COL21A1: variants seen among roughly 807,000 people sequenced by gnomAD.
COL21A1 encodes the protein collagen alpha-1(XXI) chain.
COL21A1 carries 149 observed loss-of-function variants against 137.9 expected under a neutral mutation model. The observed-to-expected ratio is 1.08, with a 90% CI of 0.95 to 1.24. COL21A1 has a LOEUF of 1.24. Ranked by LOEUF, COL21A1 falls within the 50% of genes most tolerant of loss-of-function variation. COL21A1 has a pLI of 0.00. For missense variants in COL21A1, 1,167 were observed against 1,158.4 expected (o/e 1.01, Z -0.11); for synonymous variants, 456 against 391.5 (o/e 1.16, Z -1.95).
chr6:56,122,872 C>T (rs1031776052), intron 16 of COL21A1, among the ~76,000 whole-genome samples: 7 of 152,116 alleles, frequency 4.6e-5, no homozygotes, highest in African/African-American at 1.2e-4. Flanking sequence ...ACTCTATTTT[C>T]GAAATAGAAA....
chr6:56,172,222 A>G lies in COL21A1; in HGVS notation c.641-1094T>C, dbSNP rs188336299. Among the ~76,000 whole-genome samples, 52 of 152,278 alleles carry G rather than the reference A, an allele frequency of 3.4e-4. No individual in the cohort carries two copies. The East Asian group carries it at 9.8e-3, about 29-fold the overall frequency. On this transcript the variant is annotated intron_variant, in intron 3 of 29. Coordinates refer to ENST00000244728, the MANE Select transcript of COL21A1 (RefSeq NM_030820.4). ...AACCCAAAGAAATCCACACTGAGAC[A>G]CATTGTAATCTAATCGTCAAAAGTT...
At chr6:56,063,820 A>T (rs187255730) in intron 24 of COL21A1, among the ~76,000 whole-genome samples, 4 of 151,918 alleles carry the variant, frequency 2.6e-5, no homozygotes, top group Admixed American at 1.3e-4. Flanking sequence ...TCTCCCACTC[A>T]CCCTCAGAGA....
At chr6:56,267,050 G>A (rs1433720012) in intron 1 of COL21A1, among the ~76,000 whole-genome samples, 1 of 152,184 alleles carries the variant, frequency 6.6e-6, no homozygotes, top group Non-Finnish European at 1.5e-5. Context: ...CCACAGAGAA[G>A]TCTAGATGAT....
At chr6:56,301,803 G>A (rs899481968) in intron 1 of COL21A1, among the ~76,000 whole-genome samples, 1 of 151,890 alleles carries the variant, frequency 6.6e-6, no homozygotes, top group Non-Finnish European at 1.5e-5. Flanking sequence ...CTGGTGTGCT[G>A]CACCCAGTAA....
intron 1 of COL21A1, among the ~76,000 whole-genome samples, chr6:56,291,734 T>C (rs926747228): frequency 2.6e-5 from 4 of 152,244 alleles, no homozygotes; most frequent in African/African-American, 9.6e-5. Flanking sequence ...TGTTAGAGGA[T>C]GTCACTCTAT....
chr6:56,299,654 A>G (rs1764236246), intron 1 of COL21A1, among the ~76,000 whole-genome samples: 1 of 152,040 alleles, frequency 6.6e-6, no homozygotes, highest in East Asian at 1.9e-4. Context: ...TTATGGCCTC[A>G]TATTTTCTGA....
intron 1 of COL21A1, among the ~76,000 whole-genome samples, chr6:56,213,697 T>C (rs1780320972): frequency 6.6e-6 from 1 of 152,096 alleles, no homozygotes; most frequent in Non-Finnish European, 1.5e-5. Flanking sequence ...ATTGTATACA[T>C]TTTTCGTGTG....
At chr6:56,328,137 T>C (rs925647718) in intron 1 of COL21A1, among the ~76,000 whole-genome samples, 6 of 152,098 alleles carry the variant, frequency 3.9e-5, no homozygotes, top group African/African-American at 1.4e-4. Context: ...TCCTTAATTA[T>C]GTGAGTCAAA....
chr6:56,084,241 A>G (rs2114167576), intron 17 of COL21A1, among the ~76,000 whole-genome samples: 1 of 151,536 alleles, frequency 6.6e-6, no homozygotes, highest in South Asian at 2.1e-4. Context: ...AAAAACATTA[A>G]TAAGAGAGAT....
At chr6:56,100,755 C>T (rs542604967) in intron 17 of COL21A1, among the ~76,000 whole-genome samples, 1 of 152,264 alleles carries the variant, frequency 6.6e-6, no homozygotes, top group East Asian at 1.9e-4. Flanking sequence ...TCCCTCTACC[C>T]TATTTAAGAA....
chr6:56,302,463 AT>A (rs1265089782), intron 1 of COL21A1, among the ~76,000 whole-genome samples: 1 of 151,650 alleles, frequency 6.6e-6, no homozygotes, highest in Non-Finnish European at 1.5e-5. Flanking sequence ...TTTGATTTGC[AT>A]TTCTCTGATG....
At chr6:56,370,769 T>C (rs1253171961) in intron 1 of COL21A1, among the ~76,000 whole-genome samples, 1 of 152,178 alleles carries the variant, frequency 6.6e-6, no homozygotes, top group Non-Finnish European at 1.5e-5. Flanking sequence ...TTGCTCATAA[T>C]TAAACTGAGT....
At chr6:56,170,023 A>C (rs1776907767) in intron 5 of COL21A1, among the ~76,000 whole-genome samples, 1 of 151,934 alleles carries the variant, frequency 6.6e-6, no homozygotes, top group Admixed American at 6.6e-5. Flanking sequence ...ATAATGAGCA[A>C]AACTTAATTA....
intron 1 of COL21A1, among the ~76,000 whole-genome samples, chr6:56,286,376 T>C (rs1224701312): frequency 6.6e-6 from 1 of 152,114 alleles, no homozygotes; most frequent in Non-Finnish European, 1.5e-5. Context: ...CCAATACCCA[T>C]GTATACACAA....
chr6:56,078,831 C>T (rs1292353205), intron 17 of COL21A1, among the ~76,000 whole-genome samples: 1 of 151,482 alleles, frequency 6.6e-6, no homozygotes, highest in Non-Finnish European at 1.5e-5. Flanking sequence ...CAACAAGGGA[C>T]TCACAATCTA....
intron 1 of COL21A1, among the ~76,000 whole-genome samples, chr6:56,206,693 A>ATATATATATATAT (rs1779800725): frequency 7.8e-6 from 1 of 127,930 alleles, no homozygotes; most frequent in African/African-American, 2.7e-5. Flanking sequence ...TAAATAAATA[A>ATATATATATATAT]ATAAATATAT....
At chr6:56,272,152 A>G (rs1300549186) in intron 1 of COL21A1, among the ~76,000 whole-genome samples, 1 of 152,242 alleles carries the variant, frequency 6.6e-6, no homozygotes, top group Non-Finnish European at 1.5e-5. Context: ...TGCACCAAGC[A>G]TCTGGAAAGG....
At chr6:56,335,738 T>A (rs1349948267) in intron 1 of COL21A1, among the ~76,000 whole-genome samples, 7 of 152,226 alleles carry the variant, frequency 4.6e-5, no homozygotes, top group Admixed American at 4.6e-4. Flanking sequence ...TCAGAATAAA[T>A]GGCCTCTGCT....
At chr6:56,393,311 C>T (rs2094033549) in intron 1 of COL21A1, among the ~76,000 whole-genome samples, 1 of 152,160 alleles carries the variant, frequency 6.6e-6, no homozygotes, top group African/African-American at 2.4e-5. Flanking sequence ...AAGAATGAAA[C>T]TTGACCCCAT....
Sources: allele counts gnomAD v4.1 joint callset (sites outside exome capture counted in the v4.1 genomes callset), GRCh38; gene constraint gnomAD v4.1.1; transcripts MANE v1.5; gene names NCBI Gene and HGNC (gene_info 2026-07-23, HGNC 2026-07-21).